The following THRAP3 variants were observed in gnomAD, a reference collection of about 807,000 sequenced individuals.
THRAP3 encodes thyroid hormone receptor associated protein 3.
In THRAP3, 16 loss-of-function variants were observed where a neutral mutation model predicts 101.0. The ratio of observed to expected loss-of-function variants is 0.16; its 90% CI spans 0.11 to 0.24. THRAP3 has a LOEUF of 0.24. Among genes scored for constraint, THRAP3 ranks in the 10% least tolerant of loss-of-function variants. The pLI is 1.00. For missense variants in THRAP3, 989 were observed against 1,202.7 expected, an observed-to-expected ratio of 0.82 and a Z score of 2.63; for synonymous variants, 407 against 422.6, an observed-to-expected ratio of 0.96 and a Z score of 0.45.
At position 36,301,701 on chromosome 1, in the gene THRAP3, G is replaced by A; in HGVS notation, c.2646+5G>A. ...AAAAGCAAGAAGTATTACTTGGTAT[G>A]TGTCTGGGGATAACCAGGAAGGGTT... On this transcript the variant is annotated splice_donor_5th_base_variant and intron_variant, in intron 11 of 11. Transcript: ENST00000354618. The A allele has an allele frequency of 6.2e-7, 1 of 1,612,096 alleles. No homozygotes were observed. The highest frequency in any genetic ancestry group is 8.5e-7 in the Non-Finnish European group (1 of 1,178,934).
intron 2 of THRAP3, among the ~76,000 whole-genome samples, chr1:36,266,231 A>G (rs1195127052): frequency 1.3e-5 from 2 of 151,262 alleles, no homozygotes; most frequent in African/African-American, 4.9e-5. Flanking sequence ...AGGTGGGAGG[A>G]TTGCTTGAGC....
chr1:36,210,970 G>T, the THRAP3 span, among the ~76,000 whole-genome samples: 2 of 150,532 alleles, frequency 1.3e-5, no homozygotes, highest in Non-Finnish European at 2.9e-5. Context: ...CTGGCACTCT[G>T]GGGGGCCGAG....
intron 1 of THRAP3, chr1:36,241,952 AT>A: frequency 6.0e-6 from 1 of 166,116 alleles, no homozygotes. Flanking sequence ...TTTGGATGTC[AT>A]TAGATGTCTT....
chr1:36,236,764 C>T (rs557894126), intron 1 of THRAP3, among the ~76,000 whole-genome samples: 1 of 152,220 alleles, frequency 6.6e-6, no homozygotes, highest in Admixed American at 6.5e-5. Context: ...CCACAATGGA[C>T]ATGTTCAGAA....
chr1:36,243,519 G>C (rs2124415975), intron 1 of THRAP3, among the ~76,000 whole-genome samples: 1 of 152,258 alleles, frequency 6.6e-6, no homozygotes, highest in East Asian at 1.9e-4. Flanking sequence ...TGGGGGCAAG[G>C]TCACAGATCA....
rs116395687 is a variant in THRAP3, at chr1:36,282,121, C to T, written c.-31-412C>T. On this transcript the variant is annotated intron_variant, in intron 2 of 11. Coordinates refer to ENST00000354618, the MANE Select transcript of THRAP3 (RefSeq NM_005119.4). Reference sequence around the variant, plus strand: ...TTAACTTTGTAGACACGGGATATTGCTATGTTGCCCAGGCTAGTCTTGAAC... The same window carrying T: ...TTAACTTTGTAGACACGGGATATTGTTATGTTGCCCAGGCTAGTCTTGAAC... Among the ~76,000 whole-genome samples, 1,480 of 152,026 alleles carry T rather than the reference C, an allele frequency of 9.7e-3. 27 individuals are homozygous for T. The highest frequency in any genetic ancestry group is 0.034 in the African/African-American group (1,392 of 41,466).
At chr1:36,214,147 A>C in the THRAP3 span, among the ~76,000 whole-genome samples, 1 of 152,252 alleles carries the variant, frequency 6.6e-6, no homozygotes, top group Admixed American at 6.5e-5. Flanking sequence ...GTGCTTAGCC[A>C]ACTGCTGGGT....
rs554932850 is a variant in THRAP3 at position 36,278,859 on chromosome 1, G to A, written c.-31-3674G>A. Among the ~76,000 whole-genome samples the A allele has an allele frequency of 1.7e-3, 254 of 152,000 alleles. 2 individuals are homozygous for A. The highest frequency in any genetic ancestry group is 6.0e-3 in the African/African-American group (249 of 41,440). On this transcript the variant is annotated intron_variant, in intron 2 of 11. Coordinates refer to ENST00000354618, the MANE Select transcript of THRAP3 (RefSeq NM_005119.4). ...AATCACTTGAACCCAGGTGGCAGAG[G>A]TTGCAGTGAGCTGAGATCATGCCAT...
intron 1 of THRAP3, among the ~76,000 whole-genome samples, chr1:36,255,376 C>G (rs1457460157): frequency 6.6e-6 from 1 of 151,462 alleles, no homozygotes; most frequent in East Asian, 2.0e-4. Flanking sequence ...CACTGTAATC[C>G]CAGCACTTTG....
rs2124649377 is a variant in THRAP3, at chr1:36,301,615, C to T, written c.2565C>T (p.Asn855=). Residue 855 remains asparagine, a synonymous_variant, in exon 11 of 12, where the codon AAC becomes AAT. Transcript: ENST00000354618. ...ACTACTCTGGGAACAATAACAACAA[C>T]AGCAACAACGATTTTCAAAAAAGAA... The part of the protein sequence containing the change: ...RGNYSGNNNN[N]SNNDFQKRNR... 1.2e-6 allele frequency: 2 copies of T among 1,614,128 alleles called. No homozygotes were observed. Among genetic ancestry groups the T allele is most frequent in the Non-Finnish European group, 1.7e-6 (2 of 1,180,016 alleles).
chr1:36,235,701 G>A (rs561817006), intron 1 of THRAP3, among the ~76,000 whole-genome samples: 32 of 152,242 alleles, frequency 2.1e-4, no homozygotes, highest in African/African-American at 7.7e-4. Context: ...ACAACACTAT[G>A]TACTTCAAGG....
At chr1:36,254,726 G>T (rs1645350797) in intron 1 of THRAP3, among the ~76,000 whole-genome samples, 2 of 151,938 alleles carry the variant, frequency 1.3e-5, no homozygotes, top group Non-Finnish European at 1.5e-5. Context: ...CAGCTAATCT[G>T]GGGGAAAAAA....
At chr1:36,297,242 T>G (rs1328494697) in intron 9 of THRAP3, among the ~76,000 whole-genome samples, 1 of 152,146 alleles carries the variant, frequency 6.6e-6, no homozygotes, top group Non-Finnish European at 1.5e-5. Flanking sequence ...CCAAGAGAGG[T>G]GTTCCAGGTA....
intron 1 of THRAP3, among the ~76,000 whole-genome samples, chr1:36,236,606 C>T (rs570468039): frequency 6.6e-6 from 1 of 152,138 alleles, no homozygotes; most frequent in Non-Finnish European, 1.5e-5. Flanking sequence ...TCTACCTTGC[C>T]TCTTCATATC....
At chr1:36,259,329 A>G in intron 1 of THRAP3, 53 bp from the exon 2 acceptor site, 1 of 398,402 alleles carries the variant, frequency 2.5e-6, no homozygotes, top group Non-Finnish European at 4.4e-6. Flanking sequence ...CATCAGTAAC[A>G]GAATCTGCAT....
At chr1:36,237,602 C>T (rs1042722889) in intron 1 of THRAP3, among the ~76,000 whole-genome samples, 2 of 151,996 alleles carry the variant, frequency 1.3e-5, no homozygotes, top group African/African-American at 2.4e-5. Context: ...GAAACCCCCT[C>T]TCTACTAAAA....
At chr1:36,282,371 A>T in intron 2 of THRAP3, among the ~76,000 whole-genome samples, 162 bp from the exon 3 acceptor site, 1 of 150,516 alleles carries the variant, frequency 6.6e-6, no homozygotes, top group Non-Finnish European at 1.5e-5. Flanking sequence ...GGAACGCACC[A>T]CTGTGACTGG....
chr1:36,269,902 C>T (rs1011061286), intron 2 of THRAP3, among the ~76,000 whole-genome samples: 2 of 151,868 alleles, frequency 1.3e-5, no homozygotes, highest in Non-Finnish European at 2.9e-5. Flanking sequence ...TAAATAAAGT[C>T]TTTTTTAAGG....
chr1:36,288,151 A>G (rs547529303), intron 4 of THRAP3: 1 of 954,004 alleles, frequency 1.0e-6, no homozygotes, highest in Non-Finnish European at 1.2e-6. Flanking sequence ...GTTTTATTTT[A>G]TTTATTTATT....
Sources: allele counts gnomAD v4.1 joint callset (sites outside exome capture counted in the v4.1 genomes callset), GRCh38; gene constraint gnomAD v4.1.1; transcripts MANE v1.5; gene names NCBI Gene and HGNC (gene_info 2026-07-23, HGNC 2026-07-21).